TRIM37: variants seen among roughly 807,000 people sequenced by gnomAD.
TRIM37 encodes the protein tripartite motif containing 37, also known as E3 ubiquitin-protein ligase TRIM37.
In TRIM37, 80 loss-of-function variants were observed where a neutral mutation model predicts 129.8. The observed-to-expected ratio is 0.62, with a 90% CI of 0.51 to 0.74. The LOEUF (loss-of-function observed/expected upper bound fraction) is 0.74, where lower values mean the gene tolerates loss of function less well. TRIM37 is among the 30% of genes least tolerant of loss of function. The probability of loss-of-function intolerance (pLI) is 0.00; values close to 1 mark genes in which losing one functional copy is unlikely to be tolerated. For missense variants in TRIM37, 1,054 were observed against 1,176.5 expected, an observed-to-expected ratio of 0.90 and a Z score of 1.52; for synonymous variants, 389 against 387.1, an observed-to-expected ratio of 1.00 and a Z score of -0.06.
At chr17:58,990,544 G>A (rs1219727899) in intron 24 of TRIM37, among the ~76,000 whole-genome samples, 2 of 151,164 alleles carry the variant, frequency 1.3e-5, no homozygotes, top group Non-Finnish European at 2.9e-5. Flanking sequence ...TGTAATCCCA[G>A]CACTTTGGGA....
chr17:58,983,560 A>C (rs961211133), intron 24 of TRIM37: 2 of 152,612 alleles, frequency 1.3e-5, no homozygotes, highest in Non-Finnish European at 1.5e-5. Flanking sequence ...TGGTATCTAC[A>C]TATTTCTGTA....
chr17:59,010,753 A>G (rs546318198), intron 22 of TRIM37, among the ~76,000 whole-genome samples: 35 of 152,164 alleles, frequency 2.3e-4, no homozygotes, highest in Admixed American at 7.9e-4. Flanking sequence ...TCAGCCTCCC[A>G]AAGTACTGGG....
At chr17:59,061,185 T>G in intron 11 of TRIM37, 77 bp from the exon 12 acceptor site, 2 of 1,125,142 alleles carry the variant, frequency 1.8e-6, no homozygotes, top group Non-Finnish European at 2.7e-6. Flanking sequence ...ATCTGATATC[T>G]AGATTGAGAA....
At chr17:59,058,638 G>C (rs1275371609) in intron 12 of TRIM37, among the ~76,000 whole-genome samples, 2 of 151,824 alleles carry the variant, frequency 1.3e-5, no homozygotes, top group Non-Finnish European at 2.9e-5. Flanking sequence ...TGGGCAGATC[G>C]CCTGAGCCCA....
At chr17:59,081,560 T>C in intron 5 of TRIM37, among the ~76,000 whole-genome samples, 1 of 152,182 alleles carries the variant, frequency 6.6e-6, no homozygotes, top group East Asian at 1.9e-4. Flanking sequence ...TCTTCTTCCA[T>C]GTCCTCAAAC....
intron 14 of TRIM37, among the ~76,000 whole-genome samples, chr17:59,050,486 A>G (rs929697598): frequency 1.3e-5 from 2 of 151,970 alleles, no homozygotes; most frequent in East Asian, 3.9e-4. Flanking sequence ...TGAGCCCAGG[A>G]GTTCAAGACC....
chr17:59,105,978 CAT>C (rs767626228), intron 1 of TRIM37, among the ~76,000 whole-genome samples: 12 of 152,282 alleles, frequency 7.9e-5, no homozygotes, highest in South Asian at 2.1e-4. Flanking sequence ...GGAAACTACA[CAT>C]GAGATAATAT....
At chr17:58,976,633 A>G in the TRIM37 span, among the ~76,000 whole-genome samples, 49 of 152,356 alleles carry the variant, frequency 3.2e-4, no homozygotes, top group Non-Finnish European at 6.9e-4. Context: ...AAGAGGTTGA[A>G]GACAAAAGGA....
Position 59,047,748 on chromosome 17 carries a change from G to A in TRIM37, c.1602C>T (p.Ser534=), listed in dbSNP as rs1332365731. Residue 534 remains serine, a synonymous_variant, in exon 16 of 24, where the codon AGC becomes AGT. Coordinates refer to ENST00000262294, the MANE Select transcript of TRIM37 (RefSeq NM_015294.6). ...TTGCTGTGGAACTAGCAGAGGAACT[G>A]CTGCCATCGAGCTGATTTACTTCAT... ...YEDEVNQLDG[S]SSSASSTATS... 1 of 1,614,018 alleles carries A rather than the reference G, an allele frequency of 6.2e-7. No individual in the cohort carries two copies. Among genetic ancestry groups the A allele is most frequent in the Admixed American group, 1.7e-5 (1 of 60,020 alleles).
rs371015960 is a variant in TRIM37 at position 59,091,568 on chromosome 17, A to AATAT, written c.124-232_124-229dup. Among the ~76,000 whole-genome samples, 6 of 67,416 alleles carry AATAT rather than the reference A, an allele frequency of 8.9e-5. No individual in the cohort carries two copies. In the South Asian group the frequency reaches 1.8e-3, roughly 21 times the overall value. The allele number at this position is 67,416 out of a possible 152,430, so 44.2% of individuals were successfully genotyped here. On this transcript the variant is annotated intron_variant, in intron 2 of 23. Coordinates refer to ENST00000262294, the MANE Select transcript of TRIM37 (RefSeq NM_015294.6). ...ATAATATATTATACATTATATATAT[A>AATAT]ATATATATAATGTATAATATATTAT...
chr17:59,086,985 G>A (rs1018112811), intron 4 of TRIM37, among the ~76,000 whole-genome samples: 1 of 152,208 alleles, frequency 6.6e-6, no homozygotes, highest in Non-Finnish European at 1.5e-5. Flanking sequence ...AAAGAAATGT[G>A]CCATTGTATA....
intron 15 of TRIM37, 51 bp downstream of exon 15, chr17:59,049,127 A>C (rs2136372): frequency 7.0e-7 from 1 of 1,435,146 alleles, no homozygotes; most frequent in African/African-American, 1.4e-5. Context: ...CCATGATGCT[A>C]CTGTTTTTTT....
At chr17:59,031,760 G>A (rs968186649) in intron 18 of TRIM37, 136 bp downstream of exon 18, 26 of 884,794 alleles carry the variant, frequency 2.9e-5, no homozygotes, top group Non-Finnish European at 3.9e-5. Flanking sequence ...TGACATAAAT[G>A]TCATTTTTAT....
chr17:58,992,246 GAT>G (rs58882631), intron 24 of TRIM37, among the ~76,000 whole-genome samples: 125,217 of 138,984 alleles, frequency 0.9, 57,293 homozygotes, highest in East Asian at 1. Flanking sequence ...CAGGCACACT[GAT>G]ATATATATAT....
intron 17 of TRIM37, among the ~76,000 whole-genome samples, chr17:59,034,636 A>G (rs2145701202): frequency 6.6e-6 from 1 of 152,242 alleles, no homozygotes; most frequent in East Asian, 1.9e-4. Context: ...CTGGGATTAC[A>G]GGCAGGAGCC....
rs188503833 is a variant in TRIM37 at position 59,069,758 on chromosome 17, A to C, written c.809+1065T>G. On this transcript the variant is annotated intron_variant, in intron 9 of 23. Transcript: ENST00000262294. ...TGTATCTATAGCCAGGGCCTTTAGG[A>C]AGATAATTAAGGCTAAATGAGTTGA... Among the ~76,000 whole-genome samples the C allele has an allele frequency of 2.0e-4, 31 of 152,280 alleles. 1 individual carries two copies. The highest frequency in any genetic ancestry group is 3.1e-4 in the Non-Finnish European group (21 of 68,014).
chr17:59,058,406 A>C (rs936539079), intron 12 of TRIM37, among the ~76,000 whole-genome samples: 35 of 152,206 alleles, frequency 2.3e-4, no homozygotes, highest in African/African-American at 2.4e-5. Context: ...GAAAAAGGAG[A>C]GGAGCAGAAA....
chr17:59,006,726 T>TA (rs1333813524), intron 22 of TRIM37, among the ~76,000 whole-genome samples: 3 of 151,992 alleles, frequency 2.0e-5, no homozygotes, highest in Non-Finnish European at 2.9e-5. Flanking sequence ...CCGTCTCTAC[T>TA]AAAAATACAA....
chr17:59,092,343 G>C (rs1017205037), intron 2 of TRIM37, among the ~76,000 whole-genome samples: 1 of 150,880 alleles, frequency 6.6e-6, no homozygotes, highest in Admixed American at 6.6e-5. Flanking sequence ...AGGTTGCAGT[G>C]AGCCGAGATC....
Sources: gnomAD v4.1 joint callset for allele counts (sites outside exome capture counted in the v4.1 genomes callset) on GRCh38, gnomAD v4.1.1 for gene constraint, MANE v1.5 for transcripts, NCBI Gene and HGNC (gene_info 2026-07-23, HGNC 2026-07-21) for gene names.